The following SCHIP1 variants were observed in gnomAD, a reference collection of about 807,000 sequenced individuals.
SCHIP1 encodes the protein schwannomin-interacting protein 1.
A neutral mutation model predicts 29.7 loss-of-function variants in SCHIP1; 8 were observed. The ratio of observed to expected loss-of-function variants is 0.27; its 90% CI spans 0.16 to 0.49. SCHIP1 has a LOEUF of 0.49. SCHIP1 is among the 20% of genes least tolerant of loss of function. The pLI is 0.99. For synonymous variants in SCHIP1, 76 were observed against 94.9 expected (o/e 0.80, Z 1.16); for missense variants, 193 against 294.6 (o/e 0.66, Z 2.52).
At chr3:159,326,585 A>G in the SCHIP1 span, among the ~76,000 whole-genome samples, 1 of 152,206 alleles carries the variant, frequency 6.6e-6, no homozygotes, top group Non-Finnish European at 1.5e-5. Context: ...ATTTATACAT[A>G]TCAATAATAA....
chr3:159,713,287 A>T, the SCHIP1 span, among the ~76,000 whole-genome samples: 4 of 143,116 alleles, frequency 2.8e-5, no homozygotes, highest in Non-Finnish European at 6.2e-5. Context: ...AAAGAAAGAA[A>T]AAAGAAAAGA....
chr3:159,630,810 G>A, the SCHIP1 span, among the ~76,000 whole-genome samples: 4 of 152,072 alleles, frequency 2.6e-5, no homozygotes, highest in African/African-American at 9.7e-5. Flanking sequence ...CTCAGAAATC[G>A]CCACTAAAGA....
the SCHIP1 span, among the ~76,000 whole-genome samples, chr3:159,352,663 T>C: frequency 6.6e-6 from 1 of 152,160 alleles, no homozygotes; most frequent in African/African-American, 2.4e-5. Context: ...CTCATGCTAC[T>C]CTTTGTAGTT....
chr3:159,280,431 T>G, the SCHIP1 span, among the ~76,000 whole-genome samples: 3 of 152,158 alleles, frequency 2.0e-5, no homozygotes, highest in Non-Finnish European at 4.4e-5. Flanking sequence ...GAGAATTTAA[T>G]CTAGACCTGG....
the SCHIP1 span, among the ~76,000 whole-genome samples, chr3:159,644,533 G>A: frequency 6.6e-6 from 1 of 152,000 alleles, no homozygotes; most frequent in Non-Finnish European, 1.5e-5. Flanking sequence ...AGTTTTGTAT[G>A]AGCCACTTTT....
the SCHIP1 span, among the ~76,000 whole-genome samples, chr3:159,485,063 G>T: frequency 3.9e-5 from 6 of 152,036 alleles, no homozygotes; most frequent in Non-Finnish European, 8.8e-5. Context: ...CTTTTCTCTT[G>T]GCCAAACAGA....
the SCHIP1 span, among the ~76,000 whole-genome samples, chr3:159,290,698 T>G: frequency 6.6e-6 from 1 of 152,046 alleles, no homozygotes. Flanking sequence ...AAAAGAATAT[T>G]ATGTAAGGGA....
the SCHIP1 span, among the ~76,000 whole-genome samples, chr3:159,455,207 C>T: frequency 6.6e-6 from 1 of 152,210 alleles, no homozygotes; most frequent in East Asian, 1.9e-4. Flanking sequence ...GCATTTTTTA[C>T]CTAGAGCCAG....
chr3:159,834,678 G>T, the SCHIP1 span, among the ~76,000 whole-genome samples: 3 of 152,160 alleles, frequency 2.0e-5, no homozygotes, highest in Admixed American at 6.5e-5. Context: ...AATTTTTTGA[G>T]TATTGACATG....
At chr3:159,323,834 C>G in the SCHIP1 span, among the ~76,000 whole-genome samples, 6 of 152,248 alleles carry the variant, frequency 3.9e-5, no homozygotes, top group South Asian at 4.1e-4. Flanking sequence ...AGGCTGTTGG[C>G]CTGGGAATGC....
chr3:159,399,769 T>C, the SCHIP1 span, among the ~76,000 whole-genome samples: 3 of 152,170 alleles, frequency 2.0e-5, no homozygotes, highest in Admixed American at 6.6e-5. Flanking sequence ...CTCAAAATCC[T>C]GGGCTCAAGC....
At chr3:159,692,128 C>A in the SCHIP1 span, among the ~76,000 whole-genome samples, 1 of 151,434 alleles carries the variant, frequency 6.6e-6, no homozygotes, top group African/African-American at 2.4e-5. Context: ...TCCCGGTAAC[C>A]CGACCTTTCT....
At chr3:159,643,812 A>G in the SCHIP1 span, among the ~76,000 whole-genome samples, 1 of 152,028 alleles carries the variant, frequency 6.6e-6, no homozygotes, top group East Asian at 1.9e-4. Flanking sequence ...AACCTGGCCT[A>G]AACTCTCTCT....
chr3:159,853,247 C>T (rs750154384), intron 1 of SCHIP1: 13 of 515,510 alleles, frequency 2.5e-5, no homozygotes, highest in South Asian at 8.6e-5. Context: ...AGAACACACA[C>T]GGCCGGGCAC....
chr3:159,896,962 T>G (rs1296956804), exon 7 of SCHIP1: 1 of 502,934 alleles, frequency 2.0e-6, no homozygotes, highest in Admixed American at 4.0e-5. Context: ...CCACTTAATA[T>G]CAGGCATTTT....
chr3:159,309,910 A>G, the SCHIP1 span, among the ~76,000 whole-genome samples: 1 of 152,224 alleles, frequency 6.6e-6, no homozygotes, highest in East Asian at 1.9e-4. Context: ...GCAAGAATCA[A>G]TAATAATTAC....
At chr3:159,878,560 C>T (rs1482103395) in intron 2 of SCHIP1, among the ~76,000 whole-genome samples, 5 of 151,622 alleles carry the variant, frequency 3.3e-5, no homozygotes, top group Admixed American at 6.6e-5. Flanking sequence ...GGGCGAATCA[C>T]GAGGTCAGGA....
Position 159,888,445 on chromosome 3 carries a change from A to G in SCHIP1, c.466-375A>G, listed in dbSNP as rs906021206. 3 of 201,172 alleles carry G rather than the reference A, an allele frequency of 1.5e-5. No homozygotes were observed. The East Asian group carries it at 3.8e-4, about 25-fold the overall frequency. The allele number at this position is 201,172 out of a possible 1,614,324, so 12.5% of individuals were successfully genotyped here. ...AGGATTCAGTGAGATAAAGTATTCA[A>G]AGCACATAGCACAGTGCTTGTAGCA... is the stretch of plus-strand genomic sequence containing the variant. On this transcript the variant is annotated intron_variant, in intron 4 of 6. Coordinates refer to ENST00000445224, the Ensembl canonical transcript of SCHIP1.
chr3:159,503,692 A>T, the SCHIP1 span, among the ~76,000 whole-genome samples: 1 of 152,196 alleles, frequency 6.6e-6, no homozygotes, highest in East Asian at 1.9e-4. Flanking sequence ...TACCAAATGA[A>T]CTTCCTTTGA....
Sources: allele counts gnomAD v4.1 joint callset (sites outside exome capture counted in the v4.1 genomes callset), GRCh38; gene constraint gnomAD v4.1.1; transcripts MANE v1.5; gene names NCBI Gene and HGNC (gene_info 2026-07-23, HGNC 2026-07-21).